GRM1: variants seen among roughly 807,000 people sequenced by gnomAD.
The protein encoded by GRM1 is glutamate metabotropic receptor 1.
GRM1 carries 33 observed loss-of-function variants against 90.9 expected under a neutral mutation model. The ratio of observed to expected loss-of-function variants is 0.36; its 90% confidence interval spans 0.28 to 0.49. The LOEUF is 0.49. GRM1 is among the 20% of genes least tolerant of loss of function. GRM1 has a pLI of 0.99. For missense variants in GRM1, 1,190 were observed against 1,534.3 expected (o/e 0.78, Z 3.75); for synonymous variants, 700 against 613.2 (o/e 1.14, Z -2.09).
At chr6:146,348,143 A>G (rs1322688678) in intron 3 of GRM1, among the ~76,000 whole-genome samples, 2 of 152,212 alleles carry the variant, frequency 1.3e-5, no homozygotes, top group African/African-American at 4.8e-5. Flanking sequence ...CCTTCTCACT[A>G]ATAACTCTGA....
At chr6:146,044,721 A>G (rs1469523640) in intron 1 of GRM1, among the ~76,000 whole-genome samples, 1 of 152,022 alleles carries the variant, frequency 6.6e-6, no homozygotes, top group East Asian at 1.9e-4. Flanking sequence ...AGGAAAGTTT[A>G]GTATGAAATA....
chr6:146,404,988 A>G (rs9497535), intron 7 of GRM1, among the ~76,000 whole-genome samples: 2,408 of 152,290 alleles, frequency 0.016, 82 homozygotes, highest in African/African-American at 0.055. Context: ...AATTCACTAG[A>G]CTTGAAATAC....
chr6:146,155,603 C>T (rs1226704065), intron 1 of GRM1, among the ~76,000 whole-genome samples: 2 of 152,130 alleles, frequency 1.3e-5, no homozygotes, highest in Non-Finnish European at 2.9e-5. Context: ...AAAGGCTTTT[C>T]AAAGGAGGTG....
In GRM1 at chr6:146,055,275, C is replaced by T. The variant is rs547742413; in HGVS notation, c.700+25058C>T. On this transcript the variant is annotated intron_variant, in intron 1 of 7. Transcript: ENST00000282753. ...TGCTTCTAGCATAATATTATGGATA[C>T]AACTGGCACATAAGGAAGTTCTGTG... Among the ~76,000 whole-genome samples the T allele has an allele frequency of 1.4e-4, 21 of 152,138 alleles. No homozygotes were observed. In the South Asian group the frequency reaches 4.4e-3, roughly 32 times the overall value.
chr6:146,394,137 G>C (rs1227177773), intron 6 of GRM1, among the ~76,000 whole-genome samples: 1 of 151,960 alleles, frequency 6.6e-6, no homozygotes, highest in Non-Finnish European at 1.5e-5. Flanking sequence ...AGATTTAAAT[G>C]TAAGACCTAA....
chr6:146,414,977 ATGCATTATTACTGTAT>A (rs1444713579), intron 7 of GRM1, among the ~76,000 whole-genome samples: 2 of 152,180 alleles, frequency 1.3e-5, no homozygotes, highest in East Asian at 1.9e-4. Flanking sequence ...TATTACTGTA[ATGCATTATTACTGTAT>A]TGCATTATTA....
intron 1 of GRM1, among the ~76,000 whole-genome samples, chr6:146,127,990 T>C (rs1397594183): frequency 1.3e-5 from 2 of 152,140 alleles, no homozygotes; most frequent in Non-Finnish European, 2.9e-5. Flanking sequence ...TCCCTGGCAG[T>C]TGACACTGGC....
At chr6:146,189,789 T>C (rs1345637873) in intron 2 of GRM1, among the ~76,000 whole-genome samples, 1 of 152,164 alleles carries the variant, frequency 6.6e-6, no homozygotes, top group African/African-American at 2.4e-5. Context: ...GTGAAAACCT[T>C]CTCTAGACAT....
chr6:146,179,391 G>C (rs1396031300), intron 2 of GRM1, among the ~76,000 whole-genome samples: 2 of 152,206 alleles, frequency 1.3e-5, no homozygotes, highest in African/African-American at 4.8e-5. Flanking sequence ...TATCAGTGTA[G>C]GGTCAATTGA....
At chr6:146,336,352 A>G (rs1002380171) in intron 3 of GRM1, among the ~76,000 whole-genome samples, 2 of 152,186 alleles carry the variant, frequency 1.3e-5, no homozygotes, top group Non-Finnish European at 2.9e-5. Flanking sequence ...GAGTAAGTTA[A>G]GTAATGTCTC....
At position 146,049,254 on chromosome 6, in the gene GRM1, G is replaced by T. The variant is rs569076030; in HGVS notation, c.700+19037G>T. On this transcript the variant is annotated intron_variant, in intron 1 of 7. Coordinates refer to ENST00000282753, the MANE Select transcript of GRM1 (RefSeq NM_001278064.2). ...AAGGGACACCCGGATAGCTGGTAAAGCATCATTTTTGAGTAGGTCTATGAG... is the reference window on the plus strand; with the variant it reads ...AAGGGACACCCGGATAGCTGGTAAATCATCATTTTTGAGTAGGTCTATGAG... 4.6e-5 allele frequency among the ~76,000 whole-genome samples: 7 copies of T among 152,082 alleles called. No individual in the cohort carries two copies. In the South Asian group the frequency reaches 1.5e-3, roughly 32 times the overall value.
intron 3 of GRM1, among the ~76,000 whole-genome samples, chr6:146,314,366 A>G (rs1433866162): frequency 6.6e-6 from 1 of 151,794 alleles, no homozygotes; most frequent in African/African-American, 2.4e-5. Flanking sequence ...AACTCCTATT[A>G]ATTGAAGAGT....
chr6:146,399,122 A>T lies in GRM1; in HGVS notation c.2083A>T (p.Thr695Ser). Residue 695 changes from threonine to serine, a missense_variant, in exon 7 of 8, where the codon ACC becomes TCC. Coordinates refer to ENST00000282753, the MANE Select transcript of GRM1 (RefSeq NM_001278064.2). This position sits in a 1 kb window ranked among gnomAD's most constrained non-coding sequence, Gnocchi z 5.4. ...ILAGSKKKIC[T>S]RKPRFMSAWA... The stretch of plus-strand genomic sequence containing the variant: ...GGCTGGCAGCAAGAAGAAGATCTGC[A>T]CCCGGAAGCCCAGGTTCATGAGTGC... 6.2e-7 allele frequency: 1 copy of T among 1,614,096 alleles called. No homozygotes were observed. The highest frequency in any genetic ancestry group is 8.5e-7 in the Non-Finnish European group (1 of 1,180,022).
chr6:146,408,290 G>A (rs182735619), intron 7 of GRM1, among the ~76,000 whole-genome samples: 52 of 152,208 alleles, frequency 3.4e-4, no homozygotes, highest in African/African-American at 1.2e-3. Flanking sequence ...TTTAACATAT[G>A]AGTTTTGGAA....
chr6:146,078,190 G>C (rs547637848), intron 1 of GRM1, among the ~76,000 whole-genome samples: 1 of 152,322 alleles, frequency 6.6e-6, no homozygotes, highest in East Asian at 1.9e-4. Context: ...CTAGTGTTTA[G>C]TGTAACATCA....
chr6:146,088,500 C>T (rs972177530), intron 1 of GRM1, among the ~76,000 whole-genome samples: 3 of 152,024 alleles, frequency 2.0e-5, no homozygotes, highest in Admixed American at 1.3e-4. Flanking sequence ...AATAATTTTC[C>T]AGAACCCAGT....
chr6:146,295,990 C>G (rs1783164838), intron 2 of GRM1, among the ~76,000 whole-genome samples: 2 of 152,152 alleles, frequency 1.3e-5, no homozygotes, highest in South Asian at 4.1e-4. Context: ...TTTTCTGTTC[C>G]TGCATTAGTT....
At chr6:146,275,994 CAGAGAGAG>C (rs150993040) in intron 2 of GRM1, among the ~76,000 whole-genome samples, 1 of 148,766 alleles carries the variant, frequency 6.7e-6, no homozygotes, top group African/African-American at 2.5e-5. Context: ...AGGAGGAAGG[CAGAGAGAG>C]AGAGAGAGAG....
At chr6:146,131,653 T>C (rs564691657) in intron 1 of GRM1, among the ~76,000 whole-genome samples, 39 of 152,268 alleles carry the variant, frequency 2.6e-4, no homozygotes, top group African/African-American at 8.9e-4. Flanking sequence ...GGTCAACAAT[T>C]GCAGGAGAGT....
Sources: gnomAD v4.1 joint callset for allele counts (sites outside exome capture counted in the v4.1 genomes callset) on GRCh38, gnomAD v4.1.1 for gene constraint, Gnocchi (gnomAD v3.1) non-coding constraint, MANE v1.5 for transcripts, NCBI Gene and HGNC (gene_info 2026-07-23, HGNC 2026-07-21) for gene names.